Variants in ITGA1 observed in about 807,000 individuals in gnomAD.
ITGA1 encodes integrin subunit alpha 1, also known as integrin alpha-1.
ITGA1 carries 85 observed loss-of-function variants against 145.9 expected under a neutral mutation model. That is an observed-to-expected ratio of 0.58 (90% CI 0.49 to 0.70). The LOEUF (loss-of-function observed/expected upper bound fraction) is 0.70. Among genes scored for constraint, ITGA1 ranks in the 30% least tolerant of loss-of-function variants. ITGA1 has a pLI of 0.00. For synonymous variants in ITGA1, 520 were observed against 495.3 expected (o/e 1.05, Z -0.66); for missense variants, 1,351 against 1,418.7 (o/e 0.95, Z 0.77).
intron 1 of ITGA1, among the ~76,000 whole-genome samples, chr5:52,832,597 C>T (rs1749088692): frequency 6.6e-6 from 1 of 152,070 alleles, no homozygotes. Flanking sequence ...TTTCTTACAC[C>T]TATGGTCAAA....
rs566603508 is a variant in ITGA1 at position 52,870,167 on chromosome 5, T to A, written c.624+4350T>A. Among the ~76,000 whole-genome samples, 4 of 152,382 alleles carry A rather than the reference T, an allele frequency of 2.6e-5. No individual in the cohort carries two copies. The East Asian group carries it at 7.7e-4, about 29-fold the overall frequency. The stretch of plus-strand genomic sequence containing the variant: ...ATTCTTTTTCTTGATTGGTTGCTAA[T>A]GTAATTTAAATCCATTTGATTTGTT... On this transcript the variant is annotated intron_variant, in intron 6 of 28. Transcript: ENST00000282588.
intron 6 of ITGA1, 149 bp downstream of exon 6, chr5:52,865,966 A>G: frequency 1.6e-6 from 1 of 615,950 alleles, no homozygotes; most frequent in Non-Finnish European, 2.6e-6. Flanking sequence ...ATTTCTGATA[A>G]AAAGGACATT....
At chr5:52,877,802 G>T (rs548062793) in intron 6 of ITGA1, among the ~76,000 whole-genome samples, 77 of 152,266 alleles carry the variant, frequency 5.1e-4, no homozygotes, top group African/African-American at 1.8e-3. Context: ...GCAAAGCCAA[G>T]AACCCTTGTG....
rs754590811 is a variant in ITGA1 at position 52,893,710 on chromosome 5, T to C, written c.960T>C (p.Thr320=). Residue 320 remains threonine (T), a synonymous_variant, in exon 9 of 29, where the codon ACT becomes ACC. Coordinates refer to ENST00000282588, the MANE Select transcript of ITGA1 (RefSeq NM_181501.2). ...GCTATAACCGAGGAAATTTAAGCAC[T>C]GAAAAATTTGTGGAGGAAATAAAAT... ...LGSYNRGNLS[T]EKFVEEIKSI... 1.7e-5 allele frequency: 28 copies of C among 1,612,910 alleles called. No individual in the cohort carries two copies. The highest frequency in any genetic ancestry group is 2.3e-5 in the Non-Finnish European group (27 of 1,179,324).
intron 21 of ITGA1, 110 bp downstream of exon 21, chr5:52,929,811 A>C (rs1327368267): frequency 3.5e-6 from 2 of 573,506 alleles, no homozygotes; most frequent in Non-Finnish European, 6.1e-6. Flanking sequence ...AGGTTGTAGG[A>C]GATCAGTAGA....
At chr5:52,914,811 T>A (rs1750617734) in intron 14 of ITGA1, among the ~76,000 whole-genome samples, 1 of 152,138 alleles carries the variant, frequency 6.6e-6, no homozygotes, top group African/African-American at 2.4e-5. Flanking sequence ...CTTGAACCAA[T>A]GCTAAGTCAG....
At chr5:52,951,020 G>A (rs1456395593) in intron 28 of ITGA1, among the ~76,000 whole-genome samples, 1 of 152,018 alleles carries the variant, frequency 6.6e-6, no homozygotes, top group Non-Finnish European at 1.5e-5. Context: ...TATTTGTTCC[G>A]TTACCGCCTT....
intron 1 of ITGA1, among the ~76,000 whole-genome samples, chr5:52,844,931 C>T (rs1225268043): frequency 6.6e-6 from 1 of 152,174 alleles, no homozygotes; most frequent in African/African-American, 2.4e-5. Context: ...TTTACTCACT[C>T]CTTTAAATCA....
At chr5:52,808,410 T>C (rs1322768615) in intron 1 of ITGA1, among the ~76,000 whole-genome samples, 1 of 152,178 alleles carries the variant, frequency 6.6e-6, no homozygotes, top group Admixed American at 6.5e-5. Context: ...AGTTGTACAA[T>C]TTATTCAGAG....
At chr5:52,929,726 A>G (rs771728584) in intron 21 of ITGA1, 25 bp downstream of exon 21, 25 of 1,100,956 alleles carry the variant, frequency 2.3e-5, no homozygotes, top group South Asian at 1.2e-4. Flanking sequence ...GTATAAATGT[A>G]TGTATATGAA....
chr5:52,951,420 G>A (rs1340971168), intron 28 of ITGA1, among the ~76,000 whole-genome samples: 1 of 151,930 alleles, frequency 6.6e-6, no homozygotes, highest in Non-Finnish European at 1.5e-5. Flanking sequence ...TATTCTATAG[G>A]ATGGGAAACA....
chr5:52,944,998 C>T lies in ITGA1; in HGVS notation c.3341C>T (p.Ala1114Val). ...AGGGGAGAACTTCGGAGTGAAAATG[C>T]ATCTCTGGTTTTAAGTAGCAGCAAT... ...TIRGELRSEN[A>V]SLVLSSSNQK... is the part of the protein sequence containing the mutation. The change falls in exon 27 of 29, where the codon GCA becomes GTA. Residue 1114 changes from alanine to valine, a missense_variant. By Grantham distance (64) the Ala-to-Val change is moderately conservative. Coordinates refer to ENST00000282588, the MANE Select transcript of ITGA1 (RefSeq NM_181501.2). 6.2e-7 allele frequency: 1 copy of T among 1,613,268 alleles called. No individual in the cohort carries two copies.
chr5:52,941,926 T>G (rs1316249787), intron 26 of ITGA1, among the ~76,000 whole-genome samples: 1 of 152,216 alleles, frequency 6.6e-6, no homozygotes, highest in East Asian at 1.9e-4. Flanking sequence ...TATTTAAATC[T>G]TTAATTTGTC....
At chr5:52,892,213 T>C (rs1343388532) in intron 8 of ITGA1, among the ~76,000 whole-genome samples, 1 of 152,134 alleles carries the variant, frequency 6.6e-6, no homozygotes, top group Non-Finnish European at 1.5e-5. Context: ...AGAAATACTA[T>C]AGCAAATAAT....
At chr5:52,916,138 T>A (rs1208974835) in intron 15 of ITGA1, among the ~76,000 whole-genome samples, 1 of 152,174 alleles carries the variant, frequency 6.6e-6, no homozygotes, top group Non-Finnish European at 1.5e-5. Flanking sequence ...TAATTATGAA[T>A]AAATAATAAT....
At chr5:52,909,128 T>A in intron 13 of ITGA1, 87 bp downstream of exon 13, 1 of 1,384,962 alleles carries the variant, frequency 7.2e-7, no homozygotes, top group Non-Finnish European at 9.8e-7. Flanking sequence ...TTTCACTCAC[T>A]TTGAAAAAAC....
chr5:52,915,821 T>C (rs570600993), intron 15 of ITGA1, among the ~76,000 whole-genome samples: 8 of 152,320 alleles, frequency 5.3e-5, no homozygotes, highest in African/African-American at 1.9e-4. Flanking sequence ...GTCTATTATG[T>C]GGTTTACACT....
chr5:52,891,555 TAA>T (rs56185635), intron 8 of ITGA1, among the ~76,000 whole-genome samples: 34 of 118,860 alleles, frequency 2.9e-4, no homozygotes, highest in South Asian at 1.7e-3. Flanking sequence ...TCATGAACAC[TAA>T]AAAAAAAAAA....
In ITGA1 at chr5:52,953,128, A is replaced by G. The variant is rs1171665785; in HGVS notation, c.*677A>G. 6.6e-6 allele frequency: 1 copy of G among 152,206 alleles called. No individual in the cohort carries two copies. Among genetic ancestry groups the G allele is most frequent in the Non-Finnish European group, 1.5e-5 (1 of 68,036 alleles). The allele number at this position is 152,206 out of a possible 1,614,324, so 9.4% of individuals were successfully genotyped here. A position where few individuals can be genotyped will look rare whatever the true frequency, so the allele number is the denominator to read the frequency against. The stretch of plus-strand genomic sequence containing the variant: ...AGGATAGACTCGTTTAAAAACAAGT[A>G]TATTAAATGGGTTAAATTAAGCTTT... On this transcript the variant is annotated 3_prime_UTR_variant, in exon 29 of 29. Transcript: ENST00000282588.
Sources: gnomAD v4.1 joint callset for allele counts (sites outside exome capture counted in the v4.1 genomes callset) on GRCh38, gnomAD v4.1.1 for gene constraint, MANE v1.5 for transcripts, NCBI Gene and HGNC (gene_info 2026-07-23, HGNC 2026-07-21) for gene names.